The following NRG3 variants were observed in gnomAD, a reference collection of about 807,000 sequenced individuals.
NRG3 encodes pro-neuregulin-3, membrane-bound isoform.
NRG3 carries 31 observed loss-of-function variants against 66.9 expected under a neutral mutation model. That is an observed-to-expected ratio of 0.46 (90% confidence interval 0.35 to 0.63). The LOEUF is 0.63. NRG3 is among the 20% of genes least tolerant of loss of function. NRG3 has a pLI of 0.00. For synonymous variants in NRG3, 393 were observed against 359.4 expected (o/e 1.09, Z -1.06); for missense variants, 910 against 878.9 (o/e 1.04, Z -0.45).
At chr10:82,444,086 T>G (rs749173992) in intron 2 of NRG3, among the ~76,000 whole-genome samples, 27 of 152,248 alleles carry the variant, frequency 1.8e-4, no homozygotes, top group Non-Finnish European at 3.5e-4. Context: ...TTCATTCTCT[T>G]AAAAAAAATT....
At chr10:82,283,345 G>T (rs2079226767) in intron 1 of NRG3, among the ~76,000 whole-genome samples, 2 of 152,094 alleles carry the variant, frequency 1.3e-5, no homozygotes, top group Non-Finnish European at 2.9e-5. Flanking sequence ...TTGAATTCAG[G>T]CTACATTTTT....
At chr10:82,534,227 C>G (rs756276233) in intron 2 of NRG3, among the ~76,000 whole-genome samples, 2 of 151,644 alleles carry the variant, frequency 1.3e-5, no homozygotes, top group Non-Finnish European at 2.9e-5. Flanking sequence ...GCATCAAAAT[C>G]TCAGTGGTAT....
chr10:82,362,333 A>ATATG (rs776684951), intron 2 of NRG3, among the ~76,000 whole-genome samples: 20 of 135,950 alleles, frequency 1.5e-4, no homozygotes, highest in Non-Finnish European at 2.7e-4. Context: ...GTATATATAT[A>ATATG]TGTGTGTGTG....
chr10:82,810,426 T>C (rs1201271373), intron 3 of NRG3, among the ~76,000 whole-genome samples: 1 of 152,124 alleles, frequency 6.6e-6, no homozygotes, highest in Non-Finnish European at 1.5e-5. Flanking sequence ...TTGCTTAAAA[T>C]GGACTGGATT....
At chr10:82,880,205 C>T (rs901080152) in intron 4 of NRG3, among the ~76,000 whole-genome samples, 30 of 152,110 alleles carry the variant, frequency 2.0e-4, no homozygotes, top group African/African-American at 6.5e-4. Flanking sequence ...TGTATGAAAT[C>T]GCCATAACCT....
chr10:82,020,131 G>C (rs1589807680), intron 1 of NRG3, among the ~76,000 whole-genome samples: 1 of 152,022 alleles, frequency 6.6e-6, no homozygotes. Context: ...TAGCACAAAT[G>C]TGTCATTTTA....
At chr10:81,962,281 T>G (rs2133286029) in intron 1 of NRG3, among the ~76,000 whole-genome samples, 1 of 152,328 alleles carries the variant, frequency 6.6e-6, no homozygotes, top group South Asian at 2.1e-4. Flanking sequence ...AACTATAAAA[T>G]ATCACACTGG....
chr10:81,924,528 T>C (rs542245826), intron 1 of NRG3, among the ~76,000 whole-genome samples: 1 of 152,180 alleles, frequency 6.6e-6, no homozygotes, highest in Non-Finnish European at 1.5e-5. Context: ...AGCTTTCTTA[T>C]AAGCATGAGT....
intron 2 of NRG3, among the ~76,000 whole-genome samples, chr10:82,675,252 C>T (rs2053599203): frequency 6.6e-6 from 1 of 152,064 alleles, no homozygotes; most frequent in Non-Finnish European, 1.5e-5. Flanking sequence ...ACACTGCACC[C>T]GGCCTTGGGG....
chr10:82,192,173 C>T (rs779827567), intron 1 of NRG3, among the ~76,000 whole-genome samples: 1 of 152,098 alleles, frequency 6.6e-6, no homozygotes, highest in Non-Finnish European at 1.5e-5. Context: ...CTCAGTGCAA[C>T]CCGTTTACCT....
chr10:82,470,035 T>C (rs1464170647), intron 2 of NRG3, among the ~76,000 whole-genome samples: 1 of 152,100 alleles, frequency 6.6e-6, no homozygotes, highest in South Asian at 2.1e-4. Context: ...AAGAGGGAAG[T>C]GCTGGGGGCC....
chr10:82,515,365 C>T (rs1288110274), intron 2 of NRG3, among the ~76,000 whole-genome samples: 1 of 152,206 alleles, frequency 6.6e-6, no homozygotes, highest in African/African-American at 2.4e-5. Context: ...CTATCTTCAT[C>T]TGTTAGGAGA....
intron 1 of NRG3, among the ~76,000 whole-genome samples, chr10:82,097,017 A>AG (rs1590095192): frequency 6.6e-6 from 1 of 152,290 alleles, no homozygotes; most frequent in East Asian, 1.9e-4. Context: ...AAATGCATAG[A>AG]GTAACTACCA....
chr10:82,517,679 G>GCA, intron 2 of NRG3, among the ~76,000 whole-genome samples: 1 of 151,174 alleles, frequency 6.6e-6, no homozygotes, highest in East Asian at 2.0e-4. Context: ...GCATGTGTGT[G>GCA]TGTGTGTGTG....
chr10:82,682,873 T>C (rs2054208859), intron 2 of NRG3, among the ~76,000 whole-genome samples: 2 of 151,648 alleles, frequency 1.3e-5, no homozygotes, highest in Admixed American at 6.6e-5. Flanking sequence ...AATTATGCTG[T>C]GGGGAAAATT....
At chr10:82,597,439 G>C (rs1012651770) in intron 2 of NRG3, among the ~76,000 whole-genome samples, 1 of 152,130 alleles carries the variant, frequency 6.6e-6, no homozygotes, top group East Asian at 1.9e-4. Context: ...TATCCATACA[G>C]TACCTTCATC....
At chr10:82,779,315 T>A (rs1294091630) in intron 3 of NRG3, among the ~76,000 whole-genome samples, 2 of 152,100 alleles carry the variant, frequency 1.3e-5, no homozygotes, top group African/African-American at 4.8e-5. Flanking sequence ...ATACTTCCTG[T>A]TTCTGAGCTG....
chr10:82,538,012 T>A (rs1565042786), intron 2 of NRG3, among the ~76,000 whole-genome samples: 1 of 152,130 alleles, frequency 6.6e-6, no homozygotes. Flanking sequence ...TTCATATAGG[T>A]CACCAGGAAT....
intron 3 of NRG3, chr10:82,843,188 C>T: frequency 2.3e-6 from 1 of 442,816 alleles, no homozygotes; most frequent in Admixed American, 2.4e-5. Context: ...TGTTTGTCCC[C>T]TCCACAACTC....
Sources: gnomAD v4.1 joint callset for allele counts (sites outside exome capture counted in the v4.1 genomes callset) on GRCh38, gnomAD v4.1.1 for gene constraint, MANE v1.5 for transcripts, NCBI Gene and HGNC (gene_info 2026-07-23, HGNC 2026-07-21) for gene names.